Variants in LGALS8 observed in about 807,000 individuals in gnomAD.
The protein encoded by LGALS8 is galectin-8.
In LGALS8, 30 loss-of-function variants were observed where a neutral mutation model predicts 35.9. The observed-to-expected ratio is 0.83, with a 90% confidence interval of 0.62 to 1.13. The LOEUF (loss-of-function observed/expected upper bound fraction) is 1.13, where lower values mean the gene tolerates loss of function less well. LGALS8 is among the 50% of genes most tolerant of loss of function. The pLI, the probability that LGALS8 is intolerant of heterozygous loss-of-function variation, is 0.00. For missense variants in LGALS8, 366 were observed against 388.7 expected (o/e 0.94, Z 0.49); for synonymous variants, 138 against 136.1 (o/e 1.01, Z -0.10).
chr1:236,529,517 G>T (rs1463832705), intron 2 of LGALS8, among the ~76,000 whole-genome samples: 1 of 151,180 alleles, frequency 6.6e-6, no homozygotes, highest in African/African-American at 2.4e-5. Context: ...GGGAGGTGGA[G>T]GTTGTAATGA....
At chr1:236,530,093 A>G (rs1661063938) in intron 2 of LGALS8, among the ~76,000 whole-genome samples, 1 of 152,210 alleles carries the variant, frequency 6.6e-6, no homozygotes, top group Non-Finnish European at 1.5e-5. Context: ...TTGTTTATAG[A>G]GTTCTTAAGA....
upstream of LGALS8, among the ~76,000 whole-genome samples, chr1:236,519,852 G>C (rs887099235): frequency 1.2e-4 from 18 of 151,814 alleles, no homozygotes; most frequent in South Asian, 4.1e-4. Context: ...CAGCCCATTA[G>C]TGGGGCTTGC....
At position 236,548,932 on chromosome 1, in the gene LGALS8, G is replaced by C. The variant is rs1423403104; in HGVS notation, c.*771G>C. On this transcript the variant is annotated 3_prime_UTR_variant, in exon 10 of 10. Transcript: ENST00000366584. ...GCCAAGCCCAAGGCAGCTGATTTCT[G>C]TGTATTTGAACTTAGGGCAAATCAG... 10 of 398,372 alleles carry C rather than the reference G, an allele frequency of 2.5e-5. No individual in the cohort carries two copies. The highest frequency in any genetic ancestry group is 1.2e-3 in the Middle Eastern group (2 of 1,610). 24.7% of individuals were successfully genotyped at this position (398,372 alleles called of 1,614,324 possible). A position where few individuals can be genotyped will look rare whatever the true frequency, so the allele number is the denominator to read the frequency against.
upstream of LGALS8, among the ~76,000 whole-genome samples, chr1:236,521,290 T>TTTG (rs1383570935): frequency 1.3e-5 from 2 of 152,000 alleles, no homozygotes; most frequent in East Asian, 3.9e-4. Context: ...ATATTGGTGG[T>TTTG]CAGGAAGGGC....
chr1:236,537,497 G>C lies in LGALS8; in HGVS notation c.46G>C (p.Val16Leu), dbSNP rs1194174445. Reference protein sequence around the residue: ...NNLQNIIYNPVIPFVGTIPDQ... With the variant: ...NNLQNIIYNPLIPFVGTIPDQ... ...ACATTTGTTAAATTTTTTTTCTTAGGTAATCCCGTTTGTTGGCACCATTCC... is the reference window on the plus strand; with the variant it reads ...ACATTTGTTAAATTTTTTTTCTTAGCTAATCCCGTTTGTTGGCACCATTCC... Residue 16 changes from valine to leucine, a missense_variant and splice_region_variant, in exon 3 of 10, where the codon GTA becomes CTA. By Grantham distance (32) the Val-to-Leu change is conservative. Coordinates refer to ENST00000366584, the MANE Select transcript of LGALS8 (RefSeq NM_201544.4). 1 of 1,575,282 alleles carries C rather than the reference G, an allele frequency of 6.3e-7. No individual in the cohort carries two copies.
chr1:236,521,970 G>A (rs1660563772), upstream of LGALS8, among the ~76,000 whole-genome samples: 1 of 152,198 alleles, frequency 6.6e-6, no homozygotes, highest in African/African-American at 2.4e-5. Context: ...GGATACTGCA[G>A]TAATAATGTA....
In LGALS8 at chr1:236,551,098, CA is replaced by C. The variant is rs1165903478; in HGVS notation, c.*2941del. The C allele has an allele frequency of 2.4e-5, 20 of 849,588 alleles. No individual in the cohort carries two copies. The Admixed American group carries it at 4.4e-4, about 19-fold the overall frequency. 52.6% of individuals were successfully genotyped at this position (849,588 alleles called of 1,614,324 possible). A position where few individuals can be genotyped will look rare whatever the true frequency, so the allele number is the denominator to read the frequency against. On this transcript the variant is annotated 3_prime_UTR_variant, in exon 10 of 10. Coordinates refer to ENST00000366584, the MANE Select transcript of LGALS8 (RefSeq NM_201544.4). ...TTGCACTTTCCGGCAATCATTCAAT[CA>C]AAAGAGTGAAATGAAGCACATTAAC...
intron 7 of LGALS8, 24 bp downstream of exon 7, chr1:236,542,811 T>G: frequency 6.2e-7 from 1 of 1,614,228 alleles, no homozygotes; most frequent in Non-Finnish European, 8.5e-7. Flanking sequence ...CCTGGGTTAT[T>G]TCATGTGGAA....
intron 2 of LGALS8, among the ~76,000 whole-genome samples, chr1:236,527,776 C>T (rs1311974714): frequency 6.6e-6 from 1 of 151,834 alleles, no homozygotes; most frequent in Admixed American, 6.6e-5. Context: ...CCTCTGGTCA[C>T]CCAGGCTGGA....
intron 7 of LGALS8, chr1:236,543,260 C>G (rs1455137418): frequency 3.2e-6 from 2 of 634,480 alleles, no homozygotes; most frequent in Non-Finnish European, 5.6e-6. Flanking sequence ...AGGCAGAACA[C>G]AGTACTGCCT....
chr1:236,532,751 G>A (rs1661219129), intron 2 of LGALS8, among the ~76,000 whole-genome samples: 1 of 152,194 alleles, frequency 6.6e-6, no homozygotes, highest in Non-Finnish European at 1.5e-5. Flanking sequence ...GGCTGAGGCA[G>A]GAGAATCGCT....
rs968010180 is a variant in LGALS8 at position 236,548,914 on chromosome 1, C to G, written c.*753C>G. ...TGCTGAAATTAACTTGATGCCAAGCCCAAGGCAGCTGATTTCTGTGTATTT... is the reference window on the plus strand; with the variant it reads ...TGCTGAAATTAACTTGATGCCAAGCGCAAGGCAGCTGATTTCTGTGTATTT... On this transcript the variant is annotated 3_prime_UTR_variant, in exon 10 of 10. Coordinates refer to ENST00000366584, the MANE Select transcript of LGALS8 (RefSeq NM_201544.4). 5 of 398,378 alleles carry G rather than the reference C, an allele frequency of 1.3e-5. No individual in the cohort carries two copies. The highest frequency in any genetic ancestry group is 2.2e-5 in the Non-Finnish European group (5 of 226,044). The allele number at this position is 398,378 out of a possible 1,614,324, so 24.7% of individuals were successfully genotyped here.
chr1:236,547,821 A>G (rs1260824043), intron 9 of LGALS8, among the ~76,000 whole-genome samples, 191 bp from the exon 10 acceptor site: 1 of 152,078 alleles, frequency 6.6e-6, no homozygotes, highest in Non-Finnish European at 1.5e-5. Flanking sequence ...GGGTGGGATG[A>G]GGCAGACAGT....
At chr1:236,538,256 T>C (rs866624416) in intron 3 of LGALS8, among the ~76,000 whole-genome samples, 3 of 152,106 alleles carry the variant, frequency 2.0e-5, no homozygotes, top group African/African-American at 7.2e-5. Context: ...GTATCATTAG[T>C]GTTGGGCTCA....
chr1:236,528,959 A>G (rs891747741), intron 2 of LGALS8, among the ~76,000 whole-genome samples: 1 of 152,184 alleles, frequency 6.6e-6, no homozygotes, highest in Non-Finnish European at 1.5e-5. Context: ...AGTTCAACTG[A>G]TAGAATTCCA....
chr1:236,530,736 T>G (rs1394638536), intron 2 of LGALS8, among the ~76,000 whole-genome samples: 1 of 152,232 alleles, frequency 6.6e-6, no homozygotes, highest in Non-Finnish European at 1.5e-5. Context: ...TGGAAGATAG[T>G]CTGTCTTCAA....
intron 5 of LGALS8, among the ~76,000 whole-genome samples, 164 bp downstream of exon 5, chr1:236,540,847 T>C (rs1179133275): frequency 6.6e-6 from 1 of 152,216 alleles, no homozygotes; most frequent in Non-Finnish European, 1.5e-5. Flanking sequence ...AGAAGGCTGT[T>C]TATCAGCCAG....
intron 4 of LGALS8, 36 bp downstream of exon 4, chr1:236,539,125 AG>A: frequency 1.3e-6 from 2 of 1,509,782 alleles, no homozygotes; most frequent in Non-Finnish European, 1.8e-6. Flanking sequence ...AGTCCTCATT[AG>A]TGAGCAGGAG....
chr1:236,542,495 A>C, intron 6 of LGALS8: 1 of 518,794 alleles, frequency 1.9e-6, no homozygotes, highest in East Asian at 3.3e-5. Context: ...AAAATTTCAT[A>C]TAGTTCTATG....
Sources: allele counts gnomAD v4.1 joint callset (sites outside exome capture counted in the v4.1 genomes callset), GRCh38; gene constraint gnomAD v4.1.1; transcripts MANE v1.5; gene names NCBI Gene and HGNC (gene_info 2026-07-23, HGNC 2026-07-21).